The following INPP4B variants were observed in gnomAD, a reference collection of about 807,000 sequenced individuals.
INPP4B encodes inositol polyphosphate-4-phosphatase type II B.
A neutral mutation model predicts 122.5 loss-of-function variants in INPP4B; 55 were observed. The ratio of observed to expected loss-of-function variants is 0.45; its 90% confidence interval spans 0.36 to 0.56. The LOEUF is 0.56. INPP4B is among the 20% of genes least tolerant of loss of function. The pLI is 0.00. For missense variants in INPP4B, 1,000 were observed against 1,097.7 expected, an observed-to-expected ratio of 0.91 and a Z score of 1.26; for synonymous variants, 403 against 388.7, an observed-to-expected ratio of 1.04 and a Z score of -0.43.
chr4:142,545,478 A>G (rs559731737), intron 2 of INPP4B, among the ~76,000 whole-genome samples: 2 of 152,188 alleles, frequency 1.3e-5, no homozygotes, highest in African/African-American at 4.8e-5. Context: ...AACTCAACCA[A>G]TATCTATGAT....
At chr4:142,183,957 T>C (rs922970168) in intron 15 of INPP4B, among the ~76,000 whole-genome samples, 1 of 152,150 alleles carries the variant, frequency 6.6e-6, no homozygotes, top group Admixed American at 6.5e-5. Flanking sequence ...GCCACAGCTA[T>C]AGTGAAGACA....
chr4:142,391,438 T>C (rs1370957997), intron 7 of INPP4B, among the ~76,000 whole-genome samples: 1 of 152,154 alleles, frequency 6.6e-6, no homozygotes, highest in Non-Finnish European at 1.5e-5. Context: ...GGCCGGCATG[T>C]GTAATCCCAG....
chr4:142,333,877 T>C (rs1202805537), intron 7 of INPP4B, among the ~76,000 whole-genome samples: 1 of 152,192 alleles, frequency 6.6e-6, no homozygotes, highest in African/African-American at 2.4e-5. Context: ...GTGTGTGCGA[T>C]GAGAGCATTC....
chr4:142,340,203 T>C (rs1431365787), intron 7 of INPP4B, among the ~76,000 whole-genome samples: 2 of 152,152 alleles, frequency 1.3e-5, no homozygotes, highest in East Asian at 3.9e-4. Context: ...TCTCCATCTG[T>C]TCATTGATAG....
At chr4:142,398,772 A>G (rs1451176922) in intron 7 of INPP4B, among the ~76,000 whole-genome samples, 1 of 152,110 alleles carries the variant, frequency 6.6e-6, no homozygotes, top group African/African-American at 2.4e-5. Context: ...CAATCTTGAT[A>G]ACTTTTTCTG....
chr4:142,283,435 G>A (rs1051869089), intron 9 of INPP4B, among the ~76,000 whole-genome samples: 7 of 152,266 alleles, frequency 4.6e-5, no homozygotes, highest in East Asian at 1.9e-4. Context: ...ACAGTCATGC[G>A]TTGCTAGATG....
chr4:142,397,732 G>A (rs10017259), intron 7 of INPP4B, among the ~76,000 whole-genome samples: 35,881 of 151,848 alleles, frequency 0.24, 4,658 homozygotes, highest in East Asian at 0.43. Context: ...CCAGTTACTC[G>A]GGAGGCTGAG....
Position 142,516,499 on chromosome 4 carries a change from C to G in INPP4B, c.-190-53773G>C, listed in dbSNP as rs143333160. Among the ~76,000 whole-genome samples, 169 of 152,262 alleles carry G rather than the reference C, an allele frequency of 1.1e-3. 1 individual carries two copies. Among genetic ancestry groups the G allele is most frequent in the African/African-American group, 4.0e-3 (165 of 41,560 alleles). On this transcript the variant is annotated intron_variant, in intron 2 of 25. Transcript: ENST00000262992. Reference sequence around the variant, plus strand: ...CAGTTGTGGGACAGAGAGAGTAAGTCACCAGCCCAAAGTCAGTGTTGGAGC... The same window carrying G: ...CAGTTGTGGGACAGAGAGAGTAAGTGACCAGCCCAAAGTCAGTGTTGGAGC...
At chr4:142,153,126 A>C (rs1815226310) in intron 17 of INPP4B, among the ~76,000 whole-genome samples, 1 of 152,236 alleles carries the variant, frequency 6.6e-6, no homozygotes, top group Admixed American at 6.5e-5. Flanking sequence ...ACATTTAATA[A>C]GTGAAAAAAT....
chr4:142,546,387 C>A (rs754008434), intron 2 of INPP4B, among the ~76,000 whole-genome samples: 1 of 151,990 alleles, frequency 6.6e-6, no homozygotes, highest in South Asian at 2.1e-4. Flanking sequence ...GAATAATACA[C>A]AATGAACATA....
chr4:142,707,908 T>G (rs1762648703), intron 2 of INPP4B, among the ~76,000 whole-genome samples: 1 of 152,180 alleles, frequency 6.6e-6, no homozygotes, highest in Admixed American at 6.5e-5. Context: ...AGTTTGGAAC[T>G]CCCTAGAGAC....
At chr4:142,682,980 C>A (rs1285421439) in intron 2 of INPP4B, among the ~76,000 whole-genome samples, 1 of 151,722 alleles carries the variant, frequency 6.6e-6, no homozygotes, top group African/African-American at 2.4e-5. Context: ...GCTGAATGGA[C>A]AGTCTCAAAA....
At chr4:142,382,030 T>C (rs387282) in intron 7 of INPP4B, among the ~76,000 whole-genome samples, 1 of 152,252 alleles carries the variant, frequency 6.6e-6, no homozygotes, top group Middle Eastern at 3.4e-3. Context: ...TATTTACCCA[T>C]AATTTTAAAG....
chr4:142,818,858 A>G (rs1378638563), intron 1 of INPP4B, among the ~76,000 whole-genome samples: 4 of 152,020 alleles, frequency 2.6e-5, no homozygotes, highest in African/African-American at 7.2e-5. Flanking sequence ...ATTCTGTTAC[A>G]TTTTTACCCA....
chr4:142,567,676 G>T lies in INPP4B; in HGVS notation c.-190-104950C>A, dbSNP rs117606948. ...AACAGTGAAATAGATATATACATAT[G>T]GGAAAAGGTACACTTTAAAAAGCAT... On this transcript the variant is annotated intron_variant, in intron 2 of 25. Coordinates refer to ENST00000262992, the MANE Select transcript of INPP4B (RefSeq NM_001101669.3). Among the ~76,000 whole-genome samples the T allele has an allele frequency of 3.3e-3, 496 of 152,050 alleles. 7 individuals are homozygous for T. The highest frequency in any genetic ancestry group is 0.018 in the East Asian group (92 of 5,160).
chr4:142,524,168 T>C (rs1402335525), intron 2 of INPP4B, among the ~76,000 whole-genome samples: 1 of 152,082 alleles, frequency 6.6e-6, no homozygotes, highest in Non-Finnish European at 1.5e-5. Flanking sequence ...TTTGGGTATA[T>C]ACCCAGTAAT....
At chr4:142,414,850 T>A (rs1428930329) in intron 5 of INPP4B, among the ~76,000 whole-genome samples, 1 of 152,186 alleles carries the variant, frequency 6.6e-6, no homozygotes, top group Non-Finnish European at 1.5e-5. Context: ...CAAGTTCCAC[T>A]TTGGAAACAA....
chr4:142,748,303 A>G (rs997089930), intron 1 of INPP4B, among the ~76,000 whole-genome samples: 1 of 152,066 alleles, frequency 6.6e-6, no homozygotes, highest in Non-Finnish European at 1.5e-5. Context: ...AGAAAATAAA[A>G]TCTAAGTTTC....
chr4:142,426,430 T>C (rs553833723), intron 5 of INPP4B: 2 of 152,052 alleles, frequency 1.3e-5, no homozygotes, highest in East Asian at 3.9e-4. Context: ...TTTATGAAAA[T>C]AAAAAGAGTA....
Sources: allele counts gnomAD v4.1 joint callset (sites outside exome capture counted in the v4.1 genomes callset), GRCh38; gene constraint gnomAD v4.1.1; transcripts MANE v1.5; gene names NCBI Gene and HGNC (gene_info 2026-07-23, HGNC 2026-07-21).